Variants in NWD1 observed in about 807,000 individuals in gnomAD.
NWD1 encodes the protein NACHT domain- and WD repeat-containing protein 1.
A neutral mutation model predicts 135.1 loss-of-function variants in NWD1; 129 were observed. The observed-to-expected ratio is 0.96, with a 90% confidence interval of 0.83 to 1.11. The LOEUF (loss-of-function observed/expected upper bound fraction) is 1.11. Among genes scored for constraint, NWD1 ranks in the 50% least tolerant of loss-of-function variants. The pLI is 0.00. For synonymous variants in NWD1, 773 were observed against 786.0 expected (o/e 0.98, Z 0.28); for missense variants, 1,740 against 1,851.3 (o/e 0.94, Z 1.10).
chr19:16,736,599 C>A, intron 3 of NWD1, 35 bp from the exon 4 acceptor site: 1 of 1,302,030 alleles, frequency 7.7e-7, no homozygotes, highest in Non-Finnish European at 1.1e-6. Flanking sequence ...CCTGTCATGC[C>A]ACCTCTCTGA....
intron 12 of NWD1, among the ~76,000 whole-genome samples, chr19:16,781,781 G>A (rs1244201384): frequency 3.9e-5 from 6 of 152,032 alleles, no homozygotes; most frequent in African/African-American, 9.7e-5. Context: ...TCAAGTCATC[G>A]AAAATTAGCT....
At chr19:16,772,564 T>G (rs763851471) in intron 10 of NWD1, among the ~76,000 whole-genome samples, 1 of 152,150 alleles carries the variant, frequency 6.6e-6, no homozygotes, top group Non-Finnish European at 1.5e-5. Flanking sequence ...GAGAATCGCT[T>G]GAACCTGGGA....
intron 4 of NWD1, 23 bp downstream of exon 4, chr19:16,736,773 G>C (rs535890918): frequency 7.5e-7 from 1 of 1,339,054 alleles, no homozygotes; most frequent in East Asian, 2.5e-5. Context: ...GGAGGAATGG[G>C]TTAGCTCTTA....
chr19:16,766,820 A>C (rs1044897712), intron 10 of NWD1, among the ~76,000 whole-genome samples: 2 of 152,144 alleles, frequency 1.3e-5, no homozygotes, highest in African/African-American at 4.8e-5. Flanking sequence ...TCCTGGACTC[A>C]AGCAATCCTC....
chr19:16,789,038 A>G lies in NWD1; in HGVS notation c.2788A>G (p.Lys930Glu), dbSNP rs542807546. Residue 930 changes from lysine to glutamate, a missense_variant, in exon 13 of 19, where the codon AAG becomes GAG. Coordinates refer to ENST00000524140, the MANE Select transcript of NWD1 (RefSeq NM_001007525.5). ...AGGGACCCTCGCCAACTCTGCTTCA[A>G]AGGATTACACGCTGCACTTGTGGAA... The part of the protein sequence containing the change: ...AKGTLANSAS[K>E]DYTLHLWNLL... 2 of 1,613,088 alleles carry G rather than the reference A, an allele frequency of 1.2e-6. No individual in the cohort carries two copies. Among genetic ancestry groups the G allele is most frequent in the South Asian group, 1.1e-5 (1 of 91,028 alleles).
chr19:16,777,987 A>G (rs1473328706), intron 11 of NWD1, among the ~76,000 whole-genome samples: 1 of 101,866 alleles, frequency 9.8e-6, no homozygotes, highest in East Asian at 3.3e-4. Context: ...GAAATGGAGG[A>G]AGGGGGAGGG....
intron 9 of NWD1, 132 bp from the exon 10 acceptor site, chr19:16,764,902 T>C (rs1341808647): frequency 1.0e-6 from 1 of 972,266 alleles, no homozygotes; most frequent in South Asian, 1.6e-5. Context: ...CCACAGAGAA[T>C]GATCCTGCCC....
At chr19:16,804,859 C>G (rs1599559662) in intron 17 of NWD1, among the ~76,000 whole-genome samples, 3 of 151,778 alleles carry the variant, frequency 2.0e-5, no homozygotes, top group African/African-American at 7.2e-5. Flanking sequence ...AGGGCTCACT[C>G]TACTGTCTAG....
intron 4 of NWD1, among the ~76,000 whole-genome samples, chr19:16,737,345 C>T (rs530544966): frequency 6.6e-6 from 1 of 152,036 alleles, no homozygotes; most frequent in East Asian, 1.9e-4. Flanking sequence ...CTCACTACAG[C>T]CTTGAACTCC....
chr19:16,796,095 T>C (rs187273726), intron 15 of NWD1, among the ~76,000 whole-genome samples: 50 of 152,098 alleles, frequency 3.3e-4, no homozygotes, highest in Middle Eastern at 6.8e-3. Context: ...AGGCACAGGA[T>C]GGGGGAGGGG....
intron 3 of NWD1, among the ~76,000 whole-genome samples, chr19:16,732,073 C>CGGGTGT (rs928203151): frequency 2.0e-5 from 3 of 151,642 alleles, no homozygotes; most frequent in African/African-American, 7.3e-5. Context: ...AAAAATTAGC[C>CGGGTGT]GGGCGTGGTG....
intron 18 of NWD1, chr19:16,812,679 C>T (rs1970958658): frequency 1.3e-6 from 1 of 772,180 alleles, no homozygotes; most frequent in Non-Finnish European, 2.4e-6. Context: ...CAAAAACAAA[C>T]AAACAAACAA....
At chr19:16,801,259 A>G (rs1163915862) in intron 17 of NWD1, among the ~76,000 whole-genome samples, 1 of 152,072 alleles carries the variant, frequency 6.6e-6, no homozygotes, top group Admixed American at 6.6e-5. Flanking sequence ...AGCCTGGGCA[A>G]CAAGAGCAAA....
intron 18 of NWD1, 29 bp from the exon 19 acceptor site, chr19:16,814,999 C>A (rs1331224459): frequency 6.2e-7 from 1 of 1,602,622 alleles, no homozygotes; most frequent in East Asian, 2.2e-5. Flanking sequence ...CCATTTTTCT[C>A]ATTTGTGTCC....
intron 18 of NWD1, among the ~76,000 whole-genome samples, chr19:16,809,215 C>T (rs1970847812): frequency 6.6e-6 from 1 of 151,706 alleles, no homozygotes; most frequent in Non-Finnish European, 1.5e-5. Flanking sequence ...TCCCAAGTAG[C>T]TGGGATTACA....
intron 15 of NWD1, among the ~76,000 whole-genome samples, chr19:16,795,912 C>T (rs930848428): frequency 2.6e-5 from 4 of 152,134 alleles, no homozygotes; most frequent in Non-Finnish European, 4.4e-5. Context: ...TGGGTACCTG[C>T]ATCCAGTGAG....
intron 6 of NWD1, among the ~76,000 whole-genome samples, chr19:16,752,177 T>C (rs901375974): frequency 2.0e-5 from 3 of 151,530 alleles, no homozygotes; most frequent in Non-Finnish European, 4.4e-5. Context: ...TCATCCAAAA[T>C]GCTGGACGAC....
In NWD1 at chr19:16,807,971, C is replaced by T. The variant is rs781251160; in HGVS notation, c.4122C>T (p.Tyr1374=). 30 of 1,614,004 alleles carry T rather than the reference C, an allele frequency of 1.9e-5. 1 individual carries two copies. The highest frequency in any genetic ancestry group is 1.8e-4 in the East Asian group (8 of 44,888). The change falls in exon 18 of 19, where the codon TAC becomes TAT. Residue 1374 remains tyrosine (Y), a synonymous_variant. Transcript: ENST00000524140. ...TGACCAATGGGGACCTCTTTCTTTA[C>T]GAGTGTGCAACTTCCAAAGCGTTTC... ...YSMTNGDLFL[Y]ECATSKAFPL...
chr19:16,803,672 T>A lies in NWD1; in HGVS notation c.3736+3510T>A, dbSNP rs147057896. 5.3e-3 allele frequency among the ~76,000 whole-genome samples: 800 copies of A among 151,436 alleles called. 4 individuals carry two copies. The highest frequency in any genetic ancestry group is 0.018 in the African/African-American group (749 of 41,192). On this transcript the variant is annotated intron_variant, in intron 17 of 18. Coordinates refer to ENST00000524140, the MANE Select transcript of NWD1 (RefSeq NM_001007525.5). ...TGGCTCACACCTGTAATCCCAGAACTTTGGGAGGCTGAGGTGGGCGGATCA... is the reference window on the plus strand; with the variant it reads ...TGGCTCACACCTGTAATCCCAGAACATTGGGAGGCTGAGGTGGGCGGATCA...
Sources: allele counts gnomAD v4.1 joint callset (sites outside exome capture counted in the v4.1 genomes callset), GRCh38; gene constraint gnomAD v4.1.1; transcripts MANE v1.5; gene names NCBI Gene and HGNC (gene_info 2026-07-23, HGNC 2026-07-21).